The following PEPD variants were observed in gnomAD, a reference collection of about 807,000 sequenced individuals.
The protein encoded by PEPD is peptidase D, also known as xaa-Pro dipeptidase.
Under a neutral mutation model 60.7 loss-of-function variants are expected in PEPD, and 53 were observed. The ratio of observed to expected loss-of-function variants is 0.87; its 90% CI spans 0.70 to 1.10. The LOEUF is 1.10. Ranked by LOEUF, PEPD falls within the 50% of genes least tolerant of loss-of-function variation. The probability of loss-of-function intolerance (pLI) is 0.00; values close to 1 mark genes in which losing one functional copy is unlikely to be tolerated. For synonymous variants in PEPD, 267 were observed against 284.1 expected, an observed-to-expected ratio of 0.94 and a Z score of 0.60; for missense variants, 711 against 711.9, an observed-to-expected ratio of 1.00 and a Z score of 0.01.
chr19:33,459,870 T>C (rs1969894837), intron 9 of PEPD, among the ~76,000 whole-genome samples: 1 of 152,178 alleles, frequency 6.6e-6, no homozygotes, highest in Non-Finnish European at 1.5e-5. Context: ...TCATGCCCAG[T>C]GTCCCTGTGC....
chr19:33,417,022 G>A (rs1959196979), intron 9 of PEPD, among the ~76,000 whole-genome samples: 1 of 152,174 alleles, frequency 6.6e-6, no homozygotes, highest in African/African-American at 2.4e-5. Flanking sequence ...GCGCTCCCGG[G>A]CACACGGCCC....
intron 12 of PEPD, among the ~76,000 whole-genome samples, chr19:33,395,722 C>T (rs776287324): frequency 1.3e-5 from 2 of 152,230 alleles, no homozygotes; most frequent in Admixed American, 6.5e-5. Flanking sequence ...CGGGCCTGAC[C>T]GAGCTACAAA....
At chr19:33,492,771 C>T (rs778194009) in intron 5 of PEPD, among the ~76,000 whole-genome samples, 8 of 152,218 alleles carry the variant, frequency 5.3e-5, no homozygotes, top group South Asian at 2.1e-4. Flanking sequence ...CACATCCTCA[C>T]GACAGGACAC....
At chr19:33,448,529 C>CTT (rs149447344) in intron 9 of PEPD, among the ~76,000 whole-genome samples, 6 of 151,576 alleles carry the variant, frequency 4.0e-5, no homozygotes, top group Non-Finnish European at 8.8e-5. Flanking sequence ...AAAAAAAAGT[C>CTT]TTTTTTTTTC....
intron 4 of PEPD, 168 bp from the exon 5 acceptor site, chr19:33,493,505 G>A (rs1401979956): frequency 2.9e-6 from 2 of 696,732 alleles, no homozygotes; most frequent in East Asian, 5.4e-5. Flanking sequence ...AGCTTCCCCT[G>A]GTTGAAGGAC....
At chr19:33,398,424 T>A (rs977608839) in intron 12 of PEPD, among the ~76,000 whole-genome samples, 10 of 152,326 alleles carry the variant, frequency 6.6e-5, no homozygotes, top group Non-Finnish European at 1.5e-4. Flanking sequence ...ACAGCCCACC[T>A]TGGCACAGCT....
At chr19:33,448,874 TA>T (rs1304031151) in intron 9 of PEPD, among the ~76,000 whole-genome samples, 2 of 152,218 alleles carry the variant, frequency 1.3e-5, no homozygotes, top group Non-Finnish European at 2.9e-5. Flanking sequence ...AATAAAGTGT[TA>T]AAATACCTAT....
In PEPD at chr19:33,489,980, G is replaced by A; in HGVS notation, c.503+16C>T. On this transcript the variant is annotated intron_variant, in intron 6 of 14. Coordinates refer to ENST00000244137, the MANE Select transcript of PEPD (RefSeq NM_000285.4). ...GGGGATGGTGGGGAAAGAGTCCCTG[G>A]GGGCCCAGGACTCACTTGCTGATGC... The A allele has an allele frequency of 6.4e-7, 1 of 1,561,106 alleles. No homozygotes were observed. The highest frequency in any genetic ancestry group is 8.8e-7 in the Non-Finnish European group (1 of 1,137,074).
At chr19:33,439,751 C>T (rs1969449411) in intron 9 of PEPD, among the ~76,000 whole-genome samples, 1 of 152,214 alleles carries the variant, frequency 6.6e-6, no homozygotes, top group Non-Finnish European at 1.5e-5. Context: ...GTGGCTGGCA[C>T]CCCCGACTGT....
intron 3 of PEPD, among the ~76,000 whole-genome samples, chr19:33,510,324 C>T (rs1970897206): frequency 6.6e-6 from 1 of 151,980 alleles, no homozygotes; most frequent in African/African-American, 2.4e-5. Flanking sequence ...AGGGAGAAGA[C>T]AGAAGGAAGA....
chr19:33,434,545 C>A (rs937677303), intron 9 of PEPD, among the ~76,000 whole-genome samples: 3 of 152,056 alleles, frequency 2.0e-5, no homozygotes, highest in African/African-American at 7.2e-5. Flanking sequence ...CCATCCCTGG[C>A]AGGGCAGGCG....
At chr19:33,494,891 TTG>T (rs1970570856) in intron 4 of PEPD, among the ~76,000 whole-genome samples, 1 of 152,112 alleles carries the variant, frequency 6.6e-6, no homozygotes, top group South Asian at 2.1e-4. Context: ...CTAATACACT[TTG>T]GGAGGACAGG....
chr19:33,430,208 C>T (rs767379195), intron 9 of PEPD, among the ~76,000 whole-genome samples: 112 of 152,212 alleles, frequency 7.4e-4, no homozygotes, highest in Non-Finnish European at 1.2e-3. Context: ...GACACTAACC[C>T]AGCCCCAGCC....
At chr19:33,425,003 ACAAC>A (rs1568464973) in intron 9 of PEPD, among the ~76,000 whole-genome samples, 1 of 150,904 alleles carries the variant, frequency 6.6e-6, no homozygotes, top group Non-Finnish European at 1.5e-5. Flanking sequence ...AAAACAAACA[ACAAC>A]AACAATAAAA....
At chr19:33,473,434 G>C (rs1206578325) in intron 7 of PEPD, among the ~76,000 whole-genome samples, 2 of 152,156 alleles carry the variant, frequency 1.3e-5, no homozygotes, top group Non-Finnish European at 2.9e-5. Flanking sequence ...GAGAGGCCGG[G>C]GAGCAGAAAT....
chr19:33,497,874 G>A (rs1392034095), intron 4 of PEPD, among the ~76,000 whole-genome samples: 1 of 152,182 alleles, frequency 6.6e-6, no homozygotes, highest in Non-Finnish European at 1.5e-5. Flanking sequence ...CTCCACAGGA[G>A]TGTCCTACAG....
Position 33,391,058 on chromosome 19 carries a change from G to T in PEPD, c.1152+237C>A, listed in dbSNP as rs77550656. On this transcript the variant is annotated intron_variant, in intron 13 of 14. Coordinates refer to ENST00000244137, the MANE Select transcript of PEPD (RefSeq NM_000285.4). The stretch of plus-strand genomic sequence containing the variant: ...GGACAGGTGACACCTGGGCCCAGCA[G>T]GCAGACAGCACCGCCTCTATGTCCA... Among the ~76,000 whole-genome samples the T allele has an allele frequency of 0.21, 32,524 of 152,148 alleles. 4,216 individuals are homozygous for T. Among genetic ancestry groups the T allele is most frequent in the African/African-American group, 0.37 (15,436 of 41,484 alleles).
chr19:33,475,619 G>C (rs551011606), intron 7 of PEPD, among the ~76,000 whole-genome samples: 82 of 152,254 alleles, frequency 5.4e-4, no homozygotes, highest in Admixed American at 3.4e-3. Flanking sequence ...TGAAAGTGAC[G>C]AATTAATGAC....
At chr19:33,506,606 A>G (rs914826164) in intron 3 of PEPD, among the ~76,000 whole-genome samples, 1 of 142,460 alleles carries the variant, frequency 7.0e-6, no homozygotes, top group Non-Finnish European at 1.5e-5. Flanking sequence ...CAAACACCCT[A>G]CACACCACAC....
Sources: allele counts gnomAD v4.1 joint callset (sites outside exome capture counted in the v4.1 genomes callset), GRCh38; gene constraint gnomAD v4.1.1; transcripts MANE v1.5; gene names NCBI Gene and HGNC (gene_info 2026-07-23, HGNC 2026-07-21).